KCND2: variants seen among roughly 807,000 people sequenced by gnomAD.
KCND2 encodes potassium voltage-gated channel subfamily D member 2.
Under a neutral mutation model 54.4 loss-of-function variants are expected in KCND2, and 16 were observed. The ratio of observed to expected loss-of-function variants is 0.29; its 90% CI spans 0.20 to 0.45. The LOEUF (loss-of-function observed/expected upper bound fraction) is 0.45. Ranked by LOEUF, KCND2 falls within the 20% of genes least tolerant of loss-of-function variation. The probability of loss-of-function intolerance (pLI) is 1.00; values close to 1 mark genes in which losing one functional copy is unlikely to be tolerated. For synonymous variants in KCND2, 317 were observed against 310.7 expected (o/e 1.02, Z -0.21); for missense variants, 486 against 824.2 (o/e 0.59, Z 5.02).
At chr7:120,337,116 T>A (rs991850721) in intron 1 of KCND2, among the ~76,000 whole-genome samples, 5 of 152,178 alleles carry the variant, frequency 3.3e-5, no homozygotes, top group Non-Finnish European at 5.9e-5. Context: ...CGAGAGCTTG[T>A]CATGCTACAA....
At chr7:120,447,317 AG>A (rs1014516545) in intron 1 of KCND2, among the ~76,000 whole-genome samples, 1 of 151,882 alleles carries the variant, frequency 6.6e-6, no homozygotes, top group African/African-American at 2.4e-5. Flanking sequence ...TGGAATTAGA[AG>A]AAATGCCTTC....
At chr7:120,309,452 C>CATATATATAT (rs61690032) in intron 1 of KCND2, among the ~76,000 whole-genome samples, 3,734 of 67,736 alleles carry the variant, frequency 0.055, 131 homozygotes, top group Middle Eastern at 0.08. Context: ...TAATAGAAAA[C>CATATATATAT]ATATATATAT....
intron 1 of KCND2, among the ~76,000 whole-genome samples, chr7:120,614,015 G>GT (rs1792990348): frequency 6.7e-6 from 1 of 149,170 alleles, no homozygotes; most frequent in Non-Finnish European, 1.5e-5. Flanking sequence ...ATCTTTGTTG[G>GT]ATTTTTTTTT....
rs1793146493 is a variant in KCND2, at chr7:120,624,885, C to T, written c.1116-108018C>T. 3.3e-5 allele frequency among the ~76,000 whole-genome samples: 5 copies of T among 151,986 alleles called. No individual in the cohort carries two copies. The South Asian group carries it at 1.0e-3, about 32-fold the overall frequency. On this transcript the variant is annotated intron_variant, in intron 1 of 5. Transcript: ENST00000331113. ...ACAGAAATGACATTTTCTCATAATA[C>T]ATTCAATGGTAGAGCAAGCAAGCAG...
intron 1 of KCND2, among the ~76,000 whole-genome samples, chr7:120,447,135 A>G (rs1160083549): frequency 5.9e-5 from 9 of 152,228 alleles, no homozygotes; most frequent in Non-Finnish European, 1.5e-5. Context: ...AAACTTAGGA[A>G]GTTGGCCCCA....
chr7:120,728,257 T>G (rs1308791183), intron 1 of KCND2, among the ~76,000 whole-genome samples: 1 of 151,572 alleles, frequency 6.6e-6, no homozygotes, highest in Non-Finnish European at 1.5e-5. Context: ...TCTCTCATGA[T>G]ATATTCTCTT....
At chr7:120,713,598 A>G (rs1202976601) in intron 1 of KCND2, among the ~76,000 whole-genome samples, 1 of 152,194 alleles carries the variant, frequency 6.6e-6, no homozygotes, top group Non-Finnish European at 1.5e-5. Flanking sequence ...CAAGCAGGGC[A>G]TAAATCTGGG....
chr7:120,712,254 T>C (rs1792549724), intron 1 of KCND2, among the ~76,000 whole-genome samples: 1 of 67,598 alleles, frequency 1.5e-5, no homozygotes. Context: ...TTTTTTTTTT[T>C]TTTTTTTTTT....
intron 1 of KCND2, among the ~76,000 whole-genome samples, chr7:120,352,910 TAAG>T (rs1363161398): frequency 6.6e-6 from 1 of 152,050 alleles, no homozygotes; most frequent in Non-Finnish European, 1.5e-5. Context: ...AAGTTAAAGT[TAAG>T]AAGATCATAT....
chr7:120,496,568 G>A (rs1802850693), intron 1 of KCND2, among the ~76,000 whole-genome samples: 1 of 149,834 alleles, frequency 6.7e-6, no homozygotes. Context: ...GGGACTACAG[G>A]TTCCCACCAC....
In KCND2 at chr7:120,408,371, A is replaced by G. The variant is rs549392759; in HGVS notation, c.1115+132624A>G. 3.3e-5 allele frequency among the ~76,000 whole-genome samples: 5 copies of G among 151,870 alleles called. No homozygotes were observed. In the Admixed American group the frequency reaches 3.3e-4, roughly 10 times the overall value. ...TCTACCTAAGAGATAATTCAGACAT[A>G]TATCTCGAGCCATGGAGCAAGATTT... On this transcript the variant is annotated intron_variant, in intron 1 of 5. Transcript: ENST00000331113.
chr7:120,318,174 C>T (rs1033298602), intron 1 of KCND2, among the ~76,000 whole-genome samples: 2 of 152,084 alleles, frequency 1.3e-5, no homozygotes, highest in Non-Finnish European at 2.9e-5. Flanking sequence ...TTAGTATCAA[C>T]ACTAGAGTTA....
chr7:120,725,531 G>A (rs1272652682), intron 1 of KCND2, among the ~76,000 whole-genome samples: 1 of 152,116 alleles, frequency 6.6e-6, no homozygotes. Flanking sequence ...ATAAGGAATC[G>A]GTACAGGCAA....
At chr7:120,713,315 G>A (rs113702962) in intron 1 of KCND2, among the ~76,000 whole-genome samples, 3 of 152,186 alleles carry the variant, frequency 2.0e-5, no homozygotes, top group South Asian at 2.1e-4. Flanking sequence ...TCTCCATCAC[G>A]AACTGGGAAG....
chr7:120,551,168 G>A (rs1792100842), intron 1 of KCND2, among the ~76,000 whole-genome samples: 1 of 152,100 alleles, frequency 6.6e-6, no homozygotes, highest in Non-Finnish European at 1.5e-5. Flanking sequence ...GAATAGAATA[G>A]TTACTTGAAA....
At chr7:120,536,097 C>T (rs1349930341) in intron 1 of KCND2, among the ~76,000 whole-genome samples, 3 of 152,126 alleles carry the variant, frequency 2.0e-5, no homozygotes, top group Non-Finnish European at 4.4e-5. Flanking sequence ...TTCCACACAA[C>T]CACAATAAAG....
chr7:120,351,416 T>A (rs978626808), intron 1 of KCND2, among the ~76,000 whole-genome samples: 6 of 148,266 alleles, frequency 4.0e-5, no homozygotes, highest in African/African-American at 1.5e-4. Context: ...ACACACACTC[T>A]CTCTCTCTCT....
chr7:120,713,463 G>T (rs1792565718), intron 1 of KCND2, among the ~76,000 whole-genome samples: 1 of 152,122 alleles, frequency 6.6e-6, no homozygotes. Context: ...TTCATGTCTT[G>T]CCAAATGAGA....
At chr7:120,646,799 T>C (rs1484533349) in intron 1 of KCND2, among the ~76,000 whole-genome samples, 1 of 152,246 alleles carries the variant, frequency 6.6e-6, no homozygotes, top group Admixed American at 6.5e-5. Flanking sequence ...CATATTCCTT[T>C]AGAAAGATAA....
Sources: allele counts gnomAD v4.1 joint callset (sites outside exome capture counted in the v4.1 genomes callset), GRCh38; gene constraint gnomAD v4.1.1; transcripts MANE v1.5; gene names NCBI Gene and HGNC (gene_info 2026-07-23, HGNC 2026-07-21).